RAI14: variants seen among roughly 807,000 people sequenced by gnomAD.
The protein encoded by RAI14 is retinoic acid induced 14.
RAI14 carries 45 observed loss-of-function variants against 115.4 expected under a neutral mutation model. That is an observed-to-expected ratio of 0.39 (90% CI 0.31 to 0.50). RAI14 has a LOEUF of 0.50. Among genes scored for constraint, RAI14 ranks in the 20% least tolerant of loss-of-function variants. RAI14 has a pLI of 0.85. For missense variants in RAI14, 939 were observed against 1,131.2 expected (o/e 0.83, Z 2.44); for synonymous variants, 371 against 415.4 (o/e 0.89, Z 1.30).
intron 1 of RAI14, among the ~76,000 whole-genome samples, chr5:34,682,859 A>G (rs1454142204): frequency 6.6e-6 from 1 of 152,188 alleles, no homozygotes; most frequent in Non-Finnish European, 1.5e-5. Context: ...ATTTCTTTTG[A>G]AGTAAGCATC....
At chr5:34,775,319 G>A (rs1167158632) in intron 3 of RAI14, among the ~76,000 whole-genome samples, 1 of 152,160 alleles carries the variant, frequency 6.6e-6, no homozygotes, top group Non-Finnish European at 1.5e-5. Flanking sequence ...TCAGCAAAGA[G>A]ATAACCCACA....
At chr5:34,669,708 TTC>T (rs1743487276) in intron 1 of RAI14, among the ~76,000 whole-genome samples, 1 of 152,204 alleles carries the variant, frequency 6.6e-6, no homozygotes, top group Admixed American at 6.5e-5. Context: ...TTGCAGTATT[TTC>T]TTTTTTATAG....
At chr5:34,684,901 C>A (rs1029520452) in intron 1 of RAI14, 2 of 152,198 alleles carry the variant, frequency 1.3e-5, no homozygotes, top group Admixed American at 1.3e-4. Flanking sequence ...TGGGATGGTG[C>A]TGTTAAAGGT....
chr5:34,665,045 GTA>G lies in RAI14; in HGVS notation c.-49+8578_-49+8579del, dbSNP rs367579695. ...TGTATATATATATGTATATATATGT[GTA>G]TATATATGTGTATATATATGTGTAT... On this transcript the variant is annotated intron_variant, in intron 1 of 17. Coordinates refer to ENST00000265109, the MANE Select transcript of RAI14 (RefSeq NM_015577.3). 1.4e-4 allele frequency among the ~76,000 whole-genome samples: 2 copies of G among 14,630 alleles called. 1 individual carries two copies. Among genetic ancestry groups the G allele is most frequent in the Admixed American group, 1.9e-3 (2 of 1,038 alleles). 9.6% of individuals were successfully genotyped at this position (14,630 alleles called of 152,430 possible).
chr5:34,795,297 G>A (rs1196967980), intron 3 of RAI14, among the ~76,000 whole-genome samples: 1 of 152,188 alleles, frequency 6.6e-6, no homozygotes, highest in African/African-American at 2.4e-5. Context: ...CCAGAGTATA[G>A]ACACTTGCCA....
chr5:34,708,317 C>CA (rs1041460246), intron 2 of RAI14, among the ~76,000 whole-genome samples: 1 of 152,010 alleles, frequency 6.6e-6, no homozygotes, highest in Non-Finnish European at 1.5e-5. Flanking sequence ...ATTCTCCTGC[C>CA]GTAGCCTCCC....
chr5:34,795,809 A>G, intron 3 of RAI14, 130 bp from the exon 4 acceptor site: 1 of 563,604 alleles, frequency 1.8e-6, no homozygotes. Context: ...ATGCCTAGTC[A>G]GTGGGTGCTT....
intron 3 of RAI14, among the ~76,000 whole-genome samples, chr5:34,769,295 G>A (rs910460687): frequency 6.6e-6 from 1 of 152,080 alleles, no homozygotes; most frequent in Non-Finnish European, 1.5e-5. Flanking sequence ...ACTGAAAGCC[G>A]GGCAGCCCAT....
chr5:34,801,656 G>A (rs940543199), intron 4 of RAI14, among the ~76,000 whole-genome samples: 6 of 151,878 alleles, frequency 4.0e-5, no homozygotes, highest in Middle Eastern at 3.4e-3. Flanking sequence ...CAGGAGAATC[G>A]CTTGAACCCG....
At chr5:34,732,923 G>A (rs1744386966) in intron 2 of RAI14, among the ~76,000 whole-genome samples, 1 of 151,904 alleles carries the variant, frequency 6.6e-6, no homozygotes, top group South Asian at 2.1e-4. Context: ...AACTATTCCT[G>A]ACTTTCTCAT....
At chr5:34,805,467 C>G (rs1580321010) in intron 5 of RAI14, among the ~76,000 whole-genome samples, 1 of 152,196 alleles carries the variant, frequency 6.6e-6, no homozygotes, top group African/African-American at 2.4e-5. Flanking sequence ...AGCCATTCCC[C>G]CTCTCCAGTG....
At position 34,811,068 on chromosome 5, in the gene RAI14, C is replaced by G; in HGVS notation, c.507C>G (p.His169Gln). The change falls in exon 8 of 18, where the codon CAC becomes CAG. Residue 169 changes from histidine to glutamine, a missense_variant. Transcript: ENST00000265109. ...AVQNGHSEICHFLLDHGADVN... is the reference protein window; with the variant it reads ...AVQNGHSEICQFLLDHGADVN... ...AAAATGGTCACAGTGAGATCTGTCA[C>G]TTTCTCCTGGATCATGGAGCAGATG... The G allele has an allele frequency of 6.2e-7, 1 of 1,614,092 alleles. No individual in the cohort carries two copies. The highest frequency in any genetic ancestry group is 8.5e-7 in the Non-Finnish European group (1 of 1,180,020).
intron 1 of RAI14, among the ~76,000 whole-genome samples, chr5:34,678,574 C>T (rs113929578): frequency 1.5e-4 from 23 of 152,222 alleles, no homozygotes; most frequent in African/African-American, 5.3e-4. Flanking sequence ...AAACACAGGG[C>T]GAAGGCGTCC....
intron 3 of RAI14, among the ~76,000 whole-genome samples, chr5:34,792,244 T>TTC (rs1310620237): frequency 6.8e-6 from 1 of 147,960 alleles, no homozygotes; most frequent in Non-Finnish European, 1.5e-5. Context: ...TCTTTTTTTT[T>TTC]TTTTTTTGAG....
intron 3 of RAI14, among the ~76,000 whole-genome samples, chr5:34,771,816 C>G (rs987687123): frequency 6.6e-6 from 1 of 152,126 alleles, no homozygotes; most frequent in African/African-American, 2.4e-5. Flanking sequence ...GCTTTTTTGC[C>G]AAATACTTCC....
intron 9 of RAI14, 67 bp downstream of exon 9, chr5:34,812,012 G>T (rs762333231): frequency 2.2e-6 from 3 of 1,394,878 alleles, no homozygotes; most frequent in Non-Finnish European, 3.0e-6. Flanking sequence ...AAGGATAAAG[G>T]AATGTGTGCA....
chr5:34,814,944 TA>T (rs1239841737), intron 12 of RAI14, among the ~76,000 whole-genome samples: 46 of 148,596 alleles, frequency 3.1e-4, no homozygotes, highest in Admixed American at 3.4e-4. Context: ...TTTCTTCATT[TA>T]AAAAAAAAAG....
At chr5:34,807,010 A>C (rs994599522) in intron 5 of RAI14, among the ~76,000 whole-genome samples, 1 of 152,198 alleles carries the variant, frequency 6.6e-6, no homozygotes. Context: ...TTGTTAGGGG[A>C]CATAAAGCAG....
Position 34,789,337 on chromosome 5 carries a change from T to G in RAI14, c.168-6602T>G, listed in dbSNP as rs373663365. ...TCATGTTTTTCTACCCAACAGAACC[T>G]AACTTTCCACTTGAGTATCTTATTC... On this transcript the variant is annotated intron_variant, in intron 3 of 17. Transcript: ENST00000265109. 1.6e-4 allele frequency among the ~76,000 whole-genome samples: 24 copies of G among 152,390 alleles called. No individual in the cohort carries two copies. In the South Asian group the frequency reaches 1.7e-3, roughly 11 times the overall value.
Sources: allele counts gnomAD v4.1 joint callset (sites outside exome capture counted in the v4.1 genomes callset), GRCh38; gene constraint gnomAD v4.1.1; transcripts MANE v1.5; gene names NCBI Gene and HGNC (gene_info 2026-07-23, HGNC 2026-07-21).